TBC1D17: variants seen among roughly 807,000 people sequenced by gnomAD.
The protein encoded by TBC1D17 is TBC1 domain family member 17, also known as TBC1 domain family, member 17.
TBC1D17 carries 69 observed loss-of-function variants against 78.8 expected under a neutral mutation model. The ratio of observed to expected loss-of-function variants is 0.88; its 90% CI spans 0.72 to 1.07. TBC1D17 has a LOEUF of 1.07. TBC1D17 is among the 50% of genes least tolerant of loss of function. The pLI, the probability that TBC1D17 is intolerant of heterozygous loss-of-function variation, is 0.00. For synonymous variants in TBC1D17, 456 were observed against 358.3 expected, an observed-to-expected ratio of 1.27 and a Z score of -3.08; for missense variants, 957 against 861.0, an observed-to-expected ratio of 1.11 and a Z score of -1.39.
intron 1 of TBC1D17, 176 bp downstream of exon 1, chr19:49,877,920 G>T (rs1457903498): frequency 4.9e-6 from 4 of 824,294 alleles, no homozygotes; most frequent in African/African-American, 3.5e-5. Context: ...ACCTCCCATG[G>T]CCCCGCCCCC....
rs918391317 is a variant in TBC1D17, at chr19:49,882,105, T to G, written c.592T>G (p.Phe198Val). 6.2e-7 allele frequency: 1 copy of G among 1,613,994 alleles called. No homozygotes were observed. Among genetic ancestry groups the G allele is most frequent in the African/African-American group, 1.3e-5 (1 of 74,900 alleles). ...CGACTCCTCTGCTCTCTCCAACTCCTTCCACCACCTGCAGCTCTTTGACCA... is the reference window on the plus strand; with the variant it reads ...CGACTCCTCTGCTCTCTCCAACTCCGTCCACCACCTGCAGCTCTTTGACCA... ...PHDSSALSNSFHHLQLFDQDS... is the reference protein window; with the variant it reads ...PHDSSALSNSVHHLQLFDQDS... The change falls in exon 6 of 17, where the codon TTC (phenylalanine) becomes GTC (valine). Residue 198 changes from phenylalanine to valine, a missense_variant. Physicochemically the swap from Phe to Val is conservative, Grantham distance 50 (BLOSUM62 -1). Transcript: ENST00000221543.
At chr19:49,879,279 A>C (rs2074988813) in intron 3 of TBC1D17, 1 of 152,284 alleles carries the variant, frequency 6.6e-6, no homozygotes, top group South Asian at 2.1e-4. Context: ...GGGGTTCTTT[A>C]GTGGGGAATG....
chr19:49,884,505 C>T lies in TBC1D17; in HGVS notation c.1290C>T (p.Val430=). Residue 430 remains valine, a synonymous_variant, in exon 12 of 17, where the codon GTC becomes GTT. Transcript: ENST00000221543. ...ATCTTCTCTCCCCGATCCTCTACGT[C>T]ATTCAGAACGAGGTGGATGCTTTCT... ...MSDLLSPILY[V]IQNEVDAFWC... is the part of the protein sequence containing the mutation. The T allele has an allele frequency of 6.2e-7, 1 of 1,614,188 alleles. No individual in the cohort carries two copies.
rs368116942 is a variant in TBC1D17, at chr19:49,880,370, G to A, written c.287G>A (p.Arg96Gln). The A allele has an allele frequency of 3.1e-5, 50 of 1,613,768 alleles. No homozygotes were observed. The highest frequency in any genetic ancestry group is 3.3e-4 in the Middle Eastern group (2 of 6,082). Residue 96 changes from arginine (R) to glutamine (Q), a missense_variant, in exon 4 of 17, where the codon CGG (arginine) becomes CAG (glutamine). By Grantham distance (43) the Arg-to-Gln change is conservative (BLOSUM62 1). Coordinates refer to ENST00000221543, the MANE Select transcript of TBC1D17 (RefSeq NM_024682.3). ...EPDWAVISTV[R>Q]PQLCHSEPTR... ...GACTGGGCTGTCATCAGCACTGTGC[G>A]GCCACAGCTCTGCCACTCAGAGCCC... is the stretch of plus-strand genomic sequence containing the variant.
intron 5 of TBC1D17, 139 bp from the exon 6 acceptor site, chr19:49,881,902 A>T: frequency 1.3e-6 from 1 of 781,018 alleles, no homozygotes; most frequent in Non-Finnish European, 2.2e-6. Context: ...GGCCTCCTTT[A>T]ACAGCATTCC....
intron 10 of TBC1D17, 134 bp downstream of exon 10, chr19:49,883,879 G>A (rs954253362): frequency 1.3e-6 from 1 of 749,340 alleles, no homozygotes; most frequent in Non-Finnish European, 2.3e-6. Context: ...TTGGGGGAAA[G>A]CTGCATGGGC....
At chr19:49,882,524 G>A (rs1399069401) in intron 7 of TBC1D17, 124 bp downstream of exon 7, 4 of 1,426,246 alleles carry the variant, frequency 2.8e-6, no homozygotes, top group African/African-American at 1.4e-5. Context: ...ACCCTCAGGG[G>A]GTGCATGAGG....
Position 49,882,308 on chromosome 19 carries a change from G to A in TBC1D17, c.706G>A (p.Gly236Ser). The A allele has an allele frequency of 1.2e-6, 2 of 1,611,884 alleles. No homozygotes were observed. The highest frequency in any genetic ancestry group is 1.7e-6 in the Non-Finnish European group (2 of 1,179,976). The change falls in exon 7 of 17, where the codon GGT (glycine) becomes AGT (serine). Residue 236 changes from glycine to serine, a missense_variant. Coordinates refer to ENST00000221543, the MANE Select transcript of TBC1D17 (RefSeq NM_024682.3). ...CTCCCGAGTGACCAACTTCTTCCGGGGTGCCCTGCAGCCACAGCCTGAGGG... is the reference window on the plus strand; with the variant it reads ...CTCCCGAGTGACCAACTTCTTCCGGAGTGCCCTGCAGCCACAGCCTGAGGG... ...SFSRVTNFFR[G>S]ALQPQPEGAA...
At position 49,888,251 on chromosome 19, in the gene TBC1D17, G is replaced by A; in HGVS notation, c.1680G>A (p.Met560Ile). 2.5e-6 allele frequency: 4 copies of A among 1,590,342 alleles called. No individual in the cohort carries two copies. The African/African-American group carries it at 5.4e-5, about 21-fold the overall frequency. ...CGCAGCACATCAACGAGCTGACTAT[G>A]AAGCTGAGCGTGGAGGACGTGCTGA... ...EILKHINELT[M>I]KLSVEDVLTR... is the part of the protein sequence containing the mutation. Residue 560 changes from methionine (M) to isoleucine (I), a missense_variant, in exon 16 of 17, where the codon ATG becomes ATA. Coordinates refer to ENST00000221543, the MANE Select transcript of TBC1D17 (RefSeq NM_024682.3).
chr19:49,881,056 C>G (rs370595671), intron 4 of TBC1D17, among the ~76,000 whole-genome samples: 11 of 152,064 alleles, frequency 7.2e-5, no homozygotes, highest in African/African-American at 2.7e-4. Context: ...TCGAGGGGTG[C>G]CTAGGAAGGT....
Position 49,882,065 on chromosome 19 carries a change from C to T in TBC1D17, c.552C>T (p.Tyr184=), listed in dbSNP as rs760162404. Residue 184 remains tyrosine, a synonymous_variant, in exon 6 of 17, where the codon TAC becomes TAT. Transcript: ENST00000221543. ...GCTCCCCGCAGGACTCCCGCCTCTA[C>T]CTTGTCTTCCCCCACGACTCCTCTG... ...LASSPQDSRL[Y]LVFPHDSSAL... is the part of the protein sequence containing the mutation. 10 of 1,614,110 alleles carry T rather than the reference C, an allele frequency of 6.2e-6. No homozygotes were observed. Among genetic ancestry groups the T allele is most frequent in the Non-Finnish European group, 8.5e-6 (10 of 1,180,000 alleles).
intron 10 of TBC1D17, 121 bp from the exon 11 acceptor site, chr19:49,884,132 A>C (rs1349034964): frequency 4.5e-6 from 4 of 894,990 alleles, no homozygotes; most frequent in Non-Finnish European, 7.2e-6. Flanking sequence ...CTTCTCCCCC[A>C]GAGCAAACCC....
rs146255799 is a variant in TBC1D17 at position 49,884,229 on chromosome 19, G to A, written c.1127-24G>A. On this transcript the variant is annotated intron_variant, in intron 10 of 16. Transcript: ENST00000221543. ...GGGCCCCCCTACCTTTCTCACCTTT[G>A]CACCCTGTGCCCGGTCCCCGCAGAA... 3,084 of 1,607,768 alleles carry A rather than the reference G, an allele frequency of 1.9e-3. 54 individuals are homozygous for A. The African/African-American group carries it at 0.036, about 19-fold the overall frequency.
chr19:49,886,899 G>T (rs150097490), intron 13 of TBC1D17: 4,145 of 157,494 alleles, frequency 0.026, 83 homozygotes, highest in South Asian at 0.081. Context: ...GGGTTCAAGC[G>T]ATTCTCCTGC....
rs778264972 is a variant in TBC1D17 at position 49,884,641 on chromosome 19, C to A, written c.1345-18C>A. On this transcript the variant is annotated intron_variant, in intron 12 of 16. Transcript: ENST00000221543. Reference sequence around the variant, plus strand: ...ACCTCACGGGGTCTGCTCTTTCCCCCCTCCTTCCGTCCCACAGCAAGGGAA... The same window carrying A: ...ACCTCACGGGGTCTGCTCTTTCCCCACTCCTTCCGTCCCACAGCAAGGGAA... The A allele has an allele frequency of 1.1e-5, 17 of 1,613,950 alleles. No individual in the cohort carries two copies. The South Asian group carries it at 1.1e-4, about 10-fold the overall frequency.
chr19:49,878,730 CTG>C lies in TBC1D17; in HGVS notation c.195+161_195+162del, dbSNP rs2074983232. The C allele has an allele frequency of 1.1e-5, 7 of 658,464 alleles. No individual in the cohort carries two copies. In the East Asian group the frequency reaches 1.9e-4, roughly 18 times the overall value. 40.8% of individuals were successfully genotyped at this position (658,464 alleles called of 1,614,324 possible). ...ACTCTGCCTCTCCTTTTGCTCCTCT[CTG>C]TGAAATGGGCAGAGGATGCCCATTC... On this transcript the variant is annotated intron_variant, in intron 3 of 16. Coordinates refer to ENST00000221543, the MANE Select transcript of TBC1D17 (RefSeq NM_024682.3).
intron 9 of TBC1D17, 93 bp downstream of exon 9, chr19:49,883,169 C>T: frequency 8.7e-7 from 1 of 1,149,626 alleles, no homozygotes; most frequent in Non-Finnish European, 1.2e-6. Context: ...GGTTGTGAAC[C>T]TGCTGTATCT....
chr19:49,888,534 C>T lies in TBC1D17; in HGVS notation c.1857C>T (p.Pro619=), dbSNP rs1248254693. 6.5e-7 allele frequency: 1 copy of T among 1,534,728 alleles called. No individual in the cohort carries two copies. The highest frequency in any genetic ancestry group is 1.4e-5 in the African/African-American group (1 of 73,192). The change falls in exon 17 of 17, where the codon CCC becomes CCT. Residue 619 remains proline (P), a synonymous_variant. Transcript: ENST00000221543. ...PLPLSPTRAP[P]TPPPSTDTAP... is the part of the protein sequence containing the mutation. ...CTCTGTCGCCCACCCGGGCCCCGCCCACCCCGCCGCCCTCCACGGACACAG... is the reference window on the plus strand; with the variant it reads ...CTCTGTCGCCCACCCGGGCCCCGCCTACCCCGCCGCCCTCCACGGACACAG...
At chr19:49,883,815 C>A in intron 10 of TBC1D17, 70 bp downstream of exon 10, 2 of 1,365,864 alleles carry the variant, frequency 1.5e-6, no homozygotes, top group Non-Finnish European at 2.1e-6. Flanking sequence ...GGCATAAGTG[C>A]GAGTGGGAGA....
Sources: allele counts gnomAD v4.1 joint callset (sites outside exome capture counted in the v4.1 genomes callset), GRCh38; gene constraint gnomAD v4.1.1; transcripts MANE v1.5; gene names NCBI Gene and HGNC (gene_info 2026-07-23, HGNC 2026-07-21).